MGAT4C: variants seen among roughly 807,000 people sequenced by gnomAD.
MGAT4C encodes MGAT4 family member C.
A neutral mutation model predicts 40.1 loss-of-function variants in MGAT4C; 19 were observed. That is an observed-to-expected ratio of 0.47 (90% CI 0.33 to 0.70). The LOEUF (loss-of-function observed/expected upper bound fraction) is 0.70. Among genes scored for constraint, MGAT4C ranks in the 30% least tolerant of loss-of-function variants. MGAT4C has a pLI of 0.02. For missense variants in MGAT4C, 491 were observed against 563.2 expected, an observed-to-expected ratio of 0.87 and a Z score of 1.30; for synonymous variants, 181 against 187.1, an observed-to-expected ratio of 0.97 and a Z score of 0.27.
chr12:86,068,401 G>A (rs1894765150), intron 1 of MGAT4C: 1 of 151,768 alleles, frequency 6.6e-6, no homozygotes, highest in South Asian at 2.1e-4. Context: ...CATTCATTAT[G>A]TTACTAATGA....
chr12:86,808,717 T>C (rs781629463), intron 1 of MGAT4C, among the ~76,000 whole-genome samples: 21 of 151,974 alleles, frequency 1.4e-4, no homozygotes, highest in South Asian at 4.2e-4. Context: ...AAACTAGCAA[T>C]AGACAAGGAT....
Position 85,960,532 on chromosome 12 carries a change from C to T in MGAT4C, c.*18757G>A, listed in dbSNP as rs1322078831. ...TCAGCAAATCAATTAATCCTTCATT[C>T]TTTTTTTCTCCCCTTACTCCTTTGA... On this transcript the variant is annotated 3_prime_UTR_variant, in exon 5 of 5. Transcript: ENST00000611864. 6.6e-6 allele frequency: 1 copy of T among 151,972 alleles called. No homozygotes were observed. Among genetic ancestry groups the T allele is most frequent in the African/African-American group, 2.4e-5 (1 of 41,426 alleles). The allele number at this position is 151,972 out of a possible 1,614,324, so 9.4% of individuals were successfully genotyped here.
At chr12:86,405,213 C>T (rs989850626) in intron 3 of MGAT4C, among the ~76,000 whole-genome samples, 1 of 151,858 alleles carries the variant, frequency 6.6e-6, no homozygotes, top group Non-Finnish European at 1.5e-5. Flanking sequence ...TAAAACTGTT[C>T]CTACTTGAAG....
At chr12:86,633,918 T>C (rs937720363) in intron 2 of MGAT4C, among the ~76,000 whole-genome samples, 7 of 152,094 alleles carry the variant, frequency 4.6e-5, no homozygotes, top group Admixed American at 3.3e-4. Flanking sequence ...CTCGAGTTTT[T>C]TTTTTATTAT....
intron 1 of MGAT4C, among the ~76,000 whole-genome samples, chr12:86,062,098 G>T (rs1291427923): frequency 2.6e-5 from 4 of 152,108 alleles, no homozygotes; most frequent in Non-Finnish European, 5.9e-5. Context: ...ACCCAGTAGG[G>T]GCCAACAGAC....
intron 1 of MGAT4C, among the ~76,000 whole-genome samples, chr12:86,746,959 G>T (rs950755402): frequency 6.6e-6 from 1 of 151,542 alleles, no homozygotes; most frequent in Non-Finnish European, 1.5e-5. Flanking sequence ...TCAGAATTGC[G>T]TTCTTGGTTT....
intron 4 of MGAT4C, among the ~76,000 whole-genome samples, chr12:86,269,584 C>T (rs548441895): frequency 1.5e-3 from 230 of 151,148 alleles, no homozygotes; most frequent in African/African-American, 5.3e-3. Flanking sequence ...TCCTGGTTGC[C>T]AGGTGTAGAA....
chr12:86,606,054 G>T (rs1459428738), intron 2 of MGAT4C, among the ~76,000 whole-genome samples: 1 of 152,118 alleles, frequency 6.6e-6, no homozygotes, highest in Non-Finnish European at 1.5e-5. Context: ...GGAAGGAGAA[G>T]TGCTAAGTGA....
At chr12:86,458,547 C>T (rs1230226894) in intron 2 of MGAT4C, among the ~76,000 whole-genome samples, 1 of 152,130 alleles carries the variant, frequency 6.6e-6, no homozygotes, top group Non-Finnish European at 1.5e-5. Flanking sequence ...ATGCTGGGTG[C>T]ACTATGTGTG....
rs759994326 is a variant in MGAT4C at position 85,980,152 on chromosome 12, G to T, written c.574C>A (p.Pro192Thr). ...LDGLKRNYND[P>T]EDRVKFRSKQ... ...GAACGAAATTTGACTCTATCTTCTG[G>T]ATCATTGTAATTTCTTTTAAGGCCA... The change falls in exon 5 of 5, where the codon CCA becomes ACA. Residue 192 changes from proline to threonine, a missense_variant. Coordinates refer to ENST00000611864, the MANE Select transcript of MGAT4C (RefSeq NM_001351288.2). 5.6e-6 allele frequency: 9 copies of T among 1,613,778 alleles called. No homozygotes were observed. Among genetic ancestry groups the T allele is most frequent in the Non-Finnish European group, 7.6e-6 (9 of 1,179,896 alleles).
At chr12:86,495,773 T>C (rs985439850) in intron 2 of MGAT4C, among the ~76,000 whole-genome samples, 3 of 152,106 alleles carry the variant, frequency 2.0e-5, no homozygotes, top group African/African-American at 4.8e-5. Context: ...TTTTGTATTA[T>C]GAGTTCCTTC....
At chr12:86,787,502 G>A (rs1006343993) in intron 1 of MGAT4C, among the ~76,000 whole-genome samples, 2 of 151,498 alleles carry the variant, frequency 1.3e-5, no homozygotes, top group Admixed American at 6.6e-5. Flanking sequence ...TGAGATTGCT[G>A]GATTCAATGA....
intron 1 of MGAT4C, among the ~76,000 whole-genome samples, chr12:86,092,895 G>A (rs1565970804): frequency 6.6e-6 from 1 of 151,984 alleles, no homozygotes; most frequent in East Asian, 1.9e-4. Flanking sequence ...TAAGGTACAT[G>A]TGCAGAACGT....
intron 3 of MGAT4C, among the ~76,000 whole-genome samples, chr12:86,352,191 T>G (rs1054626200): frequency 3.3e-5 from 5 of 152,082 alleles, no homozygotes; most frequent in African/African-American, 9.7e-5. Flanking sequence ...TGAAAAGAGT[T>G]TCCTGGTAAT....
chr12:86,394,535 A>ATT (rs1956215506), intron 3 of MGAT4C, among the ~76,000 whole-genome samples: 1 of 145,056 alleles, frequency 6.9e-6, no homozygotes, highest in African/African-American at 2.5e-5. Flanking sequence ...TATATTTTAT[A>ATT]CATATATTTA....
chr12:86,774,376 GTCTGTC>G (rs1951712973), intron 1 of MGAT4C, among the ~76,000 whole-genome samples: 2 of 25,180 alleles, frequency 7.9e-5, no homozygotes. Flanking sequence ...CTCTCTTTCT[GTCTGTC>G]TCTCTCTCTC....
rs187754954 is a variant in MGAT4C at position 86,375,569 on chromosome 12, T to C, written c.-119-41442A>G. On this transcript the variant is annotated intron_variant, in intron 3 of 7. Coordinates refer to the MGAT4C transcript ENST00000548651. ...AGGAATTTGTATAAGCATAAATAAA[T>C]ATTTGACAAATTCTTCCAAACTAGG... Among the ~76,000 whole-genome samples the C allele has an allele frequency of 3.3e-5, 5 of 152,194 alleles. 1 individual carries two copies. The highest frequency in any genetic ancestry group is 1.2e-4 in the African/African-American group (5 of 41,580).
At chr12:86,584,706 G>T (rs754913176) in intron 2 of MGAT4C, among the ~76,000 whole-genome samples, 3 of 151,260 alleles carry the variant, frequency 2.0e-5, no homozygotes, top group Admixed American at 6.6e-5. Context: ...GCTGCTAAAC[G>T]AATTTCACAA....
chr12:86,354,977 C>A (rs960965253), intron 3 of MGAT4C, among the ~76,000 whole-genome samples: 1 of 152,164 alleles, frequency 6.6e-6, no homozygotes, highest in Non-Finnish European at 1.5e-5. Context: ...CTGGGGGCGG[C>A]CAGCTTTTAT....
Sources: allele counts gnomAD v4.1 joint callset (sites outside exome capture counted in the v4.1 genomes callset), GRCh38; gene constraint gnomAD v4.1.1; transcripts MANE v1.5; gene names NCBI Gene and HGNC (gene_info 2026-07-23, HGNC 2026-07-21).